Variants in SLC26A7 observed in about 807,000 individuals in gnomAD.
The protein encoded by SLC26A7 is anion exchange transporter.
A neutral mutation model predicts 82.5 loss-of-function variants in SLC26A7; 59 were observed. That is an observed-to-expected ratio of 0.72 (90% confidence interval 0.58 to 0.89). The LOEUF is 0.89. SLC26A7 is among the 40% of genes least tolerant of loss of function. The probability of loss-of-function intolerance (pLI) is 0.00; values close to 1 mark genes in which losing one functional copy is unlikely to be tolerated. For synonymous variants in SLC26A7, 271 were observed against 274.3 expected, an observed-to-expected ratio of 0.99 and a Z score of 0.12; for missense variants, 820 against 793.0, an observed-to-expected ratio of 1.03 and a Z score of -0.41.
intron 7 of SLC26A7, among the ~76,000 whole-genome samples, chr8:91,339,360 G>A (rs1180689278): frequency 6.6e-6 from 1 of 152,068 alleles, no homozygotes; most frequent in Admixed American, 6.6e-5. Flanking sequence ...ATCCGCTAAA[G>A]GAATTATAAC....
chr8:91,231,463 G>A (rs1176303129), intron 2 of SLC26A7, among the ~76,000 whole-genome samples: 7 of 152,142 alleles, frequency 4.6e-5, no homozygotes, highest in Non-Finnish European at 1.0e-4. Context: ...CGGGGAGCCT[G>A]TTGCAAAGTC....
At position 91,257,305 on chromosome 8, in the gene SLC26A7, C is replaced by A. The variant is rs907857419; in HGVS notation, c.193+7461C>A. ...GATGAAATGTTTGAATGAAATTTTA[C>A]TAAAGGCTAGAGAGCAACGAAAAGG... On this transcript the variant is annotated intron_variant, in intron 2 of 18. Transcript: ENST00000276609. Among the ~76,000 whole-genome samples the A allele has an allele frequency of 2.0e-5, 3 of 152,234 alleles. No homozygotes were observed. The South Asian group carries it at 6.2e-4, about 32-fold the overall frequency.
At chr8:91,320,133 G>A (rs758694457) in intron 5 of SLC26A7, among the ~76,000 whole-genome samples, 1 of 152,132 alleles carries the variant, frequency 6.6e-6, no homozygotes, top group South Asian at 2.1e-4. Context: ...CATGATCTTG[G>A]CTCACTGCAA....
intron 15 of SLC26A7, among the ~76,000 whole-genome samples, chr8:91,378,839 A>G (rs991758239): frequency 3.3e-5 from 5 of 152,098 alleles, no homozygotes; most frequent in South Asian, 2.1e-4. Context: ...CCCCAAAACT[A>G]CCATATATTT....
intron 1 of SLC26A7, among the ~76,000 whole-genome samples, chr8:91,216,078 C>G (rs1399978716): frequency 1.3e-5 from 2 of 152,000 alleles, no homozygotes; most frequent in African/African-American, 4.8e-5. Context: ...ATTCATAGCC[C>G]TGAAAAATAT....
At chr8:91,229,463 C>G (rs1810283924) in intron 2 of SLC26A7, among the ~76,000 whole-genome samples, 1 of 152,176 alleles carries the variant, frequency 6.6e-6, no homozygotes, top group Non-Finnish European at 1.5e-5. Context: ...CCCATATACT[C>G]ATCACCTAGA....
intron 2 of SLC26A7, among the ~76,000 whole-genome samples, chr8:91,276,770 T>G (rs1375811075): frequency 6.6e-6 from 1 of 152,162 alleles, no homozygotes; most frequent in African/African-American, 2.4e-5. Context: ...TGCTGATTTT[T>G]TAAAATGCAC....
intron 2 of SLC26A7, among the ~76,000 whole-genome samples, chr8:91,229,996 A>G (rs1810290537): frequency 1.3e-5 from 2 of 151,996 alleles, no homozygotes; most frequent in South Asian, 2.1e-4. Context: ...TTTTTCTGAT[A>G]TTTTTTTCCA....
chr8:91,240,394 A>G (rs1397378134), intron 2 of SLC26A7, among the ~76,000 whole-genome samples: 1 of 152,136 alleles, frequency 6.6e-6, no homozygotes, highest in African/African-American at 2.4e-5. Context: ...GAGAATGAGA[A>G]CTCTGGAACT....
At chr8:91,223,491 C>A (rs1810190279) in intron 2 of SLC26A7, among the ~76,000 whole-genome samples, 1 of 152,192 alleles carries the variant, frequency 6.6e-6, no homozygotes, top group South Asian at 2.1e-4. Context: ...TCCCTCTTAA[C>A]ACTGCTTTAG....
chr8:91,336,334 G>A (rs1813240655), intron 6 of SLC26A7, among the ~76,000 whole-genome samples: 1 of 152,232 alleles, frequency 6.6e-6, no homozygotes, highest in East Asian at 1.9e-4. Flanking sequence ...ACAGCAGAAG[G>A]TGAGCATTAT....
intron 2 of SLC26A7, among the ~76,000 whole-genome samples, chr8:91,265,907 G>T (rs1245881997): frequency 6.6e-6 from 1 of 151,958 alleles, no homozygotes; most frequent in African/African-American, 2.4e-5. Context: ...TCTGTTGGTT[G>T]TTTCCTTTGC....
At chr8:91,280,444 C>T (rs1331411548) in intron 2 of SLC26A7, among the ~76,000 whole-genome samples, 1 of 152,208 alleles carries the variant, frequency 6.6e-6, no homozygotes, top group Non-Finnish European at 1.5e-5. Flanking sequence ...CTCTTCGGAA[C>T]GGCACTTTCC....
At chr8:91,240,412 A>G (rs376568059) in intron 2 of SLC26A7, among the ~76,000 whole-genome samples, 113 of 152,282 alleles carry the variant, frequency 7.4e-4, no homozygotes, top group African/African-American at 2.4e-3. Flanking sequence ...ACTCTTCCCT[A>G]TGTGCTATTT....
intron 2 of SLC26A7, among the ~76,000 whole-genome samples, chr8:91,286,952 A>G (rs1163692668): frequency 1.3e-5 from 2 of 152,144 alleles, no homozygotes; most frequent in Non-Finnish European, 2.9e-5. Context: ...ATTTGTGGAA[A>G]GGATACTTGA....
chr8:91,344,293 GGCAGA>G lies in SLC26A7; in HGVS notation c.1140+830_1140+834del, dbSNP rs1204873414. ...TACCCAGGTCATAGAGGTAGTAAAT[GGCAGA>G]GCCGGGATTGGAACCCAGATAGATT... On this transcript the variant is annotated intron_variant, in intron 9 of 18. Coordinates refer to ENST00000276609, the MANE Select transcript of SLC26A7 (RefSeq NM_052832.4). 2.9e-5 allele frequency: 22 copies of G among 749,134 alleles called. 2 individuals are homozygous for G. In the Middle Eastern group the frequency reaches 2.7e-3, roughly 93 times the overall value. 46.4% of individuals were successfully genotyped at this position (749,134 alleles called of 1,614,324 possible).
At position 91,389,366 on chromosome 8, in the gene SLC26A7, G is replaced by A. The variant is rs1814889861; in HGVS notation, c.1704G>A (p.Glu568=). 1 of 1,614,044 alleles carries A rather than the reference G, an allele frequency of 6.2e-7. No individual in the cohort carries two copies. ...AAGCTTCACAGTCCTGCCCTAATGA[G>A]AAGTGTTATTTAATCCTGGATTGCA... ...NEEASQSCPN[E]KCYLILDCSG... is the part of the protein sequence containing the mutation. The change falls in exon 16 of 19, where the codon GAG becomes GAA. Residue 568 remains glutamate, a synonymous_variant. Transcript: ENST00000276609.
chr8:91,243,935 GA>G (rs1375436598), intron 2 of SLC26A7, among the ~76,000 whole-genome samples: 4 of 152,068 alleles, frequency 2.6e-5, no homozygotes, highest in African/African-American at 9.7e-5. Flanking sequence ...GTAAAAAGAT[GA>G]AAATATATCA....
At chr8:91,290,770 C>T (rs777667816) in intron 3 of SLC26A7, among the ~76,000 whole-genome samples, 9 of 152,144 alleles carry the variant, frequency 5.9e-5, no homozygotes, top group Non-Finnish European at 1.0e-4. Context: ...ATAATTCTGC[C>T]TACTACATTG....
Sources: allele counts gnomAD v4.1 joint callset (sites outside exome capture counted in the v4.1 genomes callset), GRCh38; gene constraint gnomAD v4.1.1; transcripts MANE v1.5; gene names NCBI Gene and HGNC (gene_info 2026-07-23, HGNC 2026-07-21).